Variants in MATR3 observed in about 807,000 individuals in gnomAD.
MATR3 encodes the protein matrin-3.
A neutral mutation model predicts 85.5 loss-of-function variants in MATR3; 4 were observed. That is an observed-to-expected ratio of 0.05 (90% CI 0.02 to 0.11). The LOEUF (loss-of-function observed/expected upper bound fraction) is 0.11. MATR3 is among the 10% of genes least tolerant of loss of function. The pLI, the probability that MATR3 is intolerant of heterozygous loss-of-function variation, is 1.00. For missense variants in MATR3, 685 were observed against 1,016.1 expected (o/e 0.67, Z 4.43); for synonymous variants, 336 against 343.1 (o/e 0.98, Z 0.23).
At position 139,329,617 on chromosome 5, in the gene MATR3, G is replaced by GAC. The variant is rs774652755; in HGVS notation, c.*224_*225dup. ...TTTTTGTTTTATCAGAATGGCAACA[G>GAC]ACAGAAGTACTTTGTAGAGATTGAC... On this transcript the variant is annotated 3_prime_UTR_variant, in exon 15 of 15. Transcript: ENST00000394805. 3.7e-6 allele frequency: 2 copies of GAC among 545,594 alleles called. No individual in the cohort carries two copies. Among genetic ancestry groups the GAC allele is most frequent in the Non-Finnish European group, 6.9e-6 (2 of 288,218 alleles). 33.8% of individuals were successfully genotyped at this position (545,594 alleles called of 1,614,324 possible).
intron 12 of MATR3, chr5:139,325,183 A>G: frequency 6.4e-6 from 9 of 1,410,150 alleles, no homozygotes; most frequent in Non-Finnish European, 8.5e-6. Context: ...ACAGAGCAAG[A>G]CTCCGTCTCA....
chr5:139,316,096 A>G lies in MATR3; in HGVS notation c.1037A>G (p.Gln346Arg). The G allele has an allele frequency of 6.2e-7, 1 of 1,612,730 alleles. No homozygotes were observed. Among genetic ancestry groups the G allele is most frequent in the East Asian group, 2.2e-5 (1 of 44,874 alleles). The change falls in exon 5 of 15, where the codon CAG becomes CGG. Residue 346 changes from glutamine (Q) to arginine (R), a missense_variant. Physicochemically the swap from Gln to Arg is conservative, Grantham distance 43 (BLOSUM62 1). Coordinates refer to ENST00000394805, the MANE Select transcript of MATR3 (RefSeq NM_018834.6). ...GHTMGDPFML[Q>R]QSTNPAPGIL... is the part of the protein sequence containing the mutation. Reference sequence around the variant, plus strand: ...ACTAGGGGTGATCCATTCATGTTGCAGCAGTCTACAAATCCAGCACCAGGA... The same window carrying G: ...ACTAGGGGTGATCCATTCATGTTGCGGCAGTCTACAAATCCAGCACCAGGA...
intron 3 of MATR3, among the ~76,000 whole-genome samples, chr5:139,287,542 C>T (rs780896343): frequency 5.9e-5 from 9 of 152,152 alleles, no homozygotes; most frequent in Non-Finnish European, 1.3e-4. Flanking sequence ...TCGCCTGAAC[C>T]CGGTGGGCGG....
intron 12 of MATR3, chr5:139,325,147 C>T: frequency 1.4e-5 from 15 of 1,074,092 alleles, no homozygotes; most frequent in East Asian, 1.3e-4. Context: ...GAGCCGAGAT[C>T]GCGCCACTGC....
intron 1 of MATR3, among the ~76,000 whole-genome samples, chr5:139,297,968 G>A (rs776974829): frequency 1.3e-5 from 2 of 152,264 alleles, no homozygotes; most frequent in South Asian, 4.2e-4. Context: ...GTTGCAGATG[G>A]GTAAGAAAAG....
At chr5:139,304,554 T>C (rs1441522979) in intron 1 of MATR3, among the ~76,000 whole-genome samples, 4 of 151,822 alleles carry the variant, frequency 2.6e-5, no homozygotes, top group African/African-American at 2.4e-5. Context: ...GGCATTTGTG[T>C]AGTGAAATTG....
intron 3 of MATR3, chr5:139,279,186 G>T (rs1285136135): frequency 1.5e-5 from 7 of 452,986 alleles, no homozygotes; most frequent in Non-Finnish European, 2.6e-5. Context: ...TCAGATGGGG[G>T]TAGGGGACTT....
At chr5:139,297,110 G>A (rs1561926958) in intron 1 of MATR3, among the ~76,000 whole-genome samples, 1 of 152,298 alleles carries the variant, frequency 6.6e-6, no homozygotes, top group East Asian at 1.9e-4. Context: ...CCCAGGAGGC[G>A]GAGGTAGCAG....
chr5:139,308,960 C>G (rs754792004), intron 2 of MATR3, among the ~76,000 whole-genome samples: 3 of 152,060 alleles, frequency 2.0e-5, no homozygotes, highest in Non-Finnish European at 4.4e-5. Flanking sequence ...TCAAAACTCA[C>G]TTTTTATTAT....
At chr5:139,316,027 C>A in intron 4 of MATR3, 49 bp from the exon 5 acceptor site, 1 of 1,334,004 alleles carries the variant, frequency 7.5e-7, no homozygotes. Context: ...TAATTCTTTC[C>A]AATGGACCTC....
chr5:139,287,987 G>A (rs762806481), intron 3 of MATR3, among the ~76,000 whole-genome samples: 8 of 152,160 alleles, frequency 5.3e-5, no homozygotes, highest in Non-Finnish European at 1.0e-4. Flanking sequence ...AAGGCAGCCA[G>A]ATCACATAAG....
chr5:139,301,341 A>G (rs976917724), intron 1 of MATR3, among the ~76,000 whole-genome samples: 5 of 151,054 alleles, frequency 3.3e-5, no homozygotes, highest in African/African-American at 1.2e-4. Context: ...TTTATTTGAG[A>G]CAGAGTCTCA....
At chr5:139,281,812 G>A (rs1753539965) in intron 3 of MATR3, among the ~76,000 whole-genome samples, 1 of 152,102 alleles carries the variant, frequency 6.6e-6, no homozygotes, top group Non-Finnish European at 1.5e-5. Context: ...CAGGTCTTAG[G>A]CCTGTACCAT....
intron 2 of MATR3, chr5:139,312,714 T>A (rs1315244554): frequency 6.6e-6 from 1 of 152,204 alleles, no homozygotes; most frequent in Admixed American, 6.6e-5. Flanking sequence ...TGCAATGGTG[T>A]GATCTTGGCT....
At chr5:139,323,025 A>G (rs1755659240) in intron 12 of MATR3, 58 bp downstream of exon 12, 5 of 1,555,208 alleles carry the variant, frequency 3.2e-6, no homozygotes, top group Admixed American at 1.8e-5. Context: ...CAGTATTTCA[A>G]GTTATTTACC....
intron 14 of MATR3, among the ~76,000 whole-genome samples, chr5:139,326,956 ATATTGACATTAT>A (rs1755881909): frequency 6.6e-6 from 1 of 152,206 alleles, no homozygotes; most frequent in South Asian, 2.1e-4. Context: ...ATAATTTTTA[ATATTGACATTAT>A]TATTGACACT....
chr5:139,274,445 A>G (rs1345647504), intron 1 of MATR3: 1 of 210,708 alleles, frequency 4.7e-6, no homozygotes, highest in African/African-American at 2.3e-5. Flanking sequence ...TGAGGAACAA[A>G]TGTCCGGTGG....
Position 139,323,620 on chromosome 5 carries a change from G to A in MATR3, c.2148+653G>A, listed in dbSNP as rs148086353. 2.7e-4 allele frequency among the ~76,000 whole-genome samples: 41 copies of A among 152,214 alleles called. No individual in the cohort carries two copies. The East Asian group carries it at 2.7e-3, about 10-fold the overall frequency. On this transcript the variant is annotated intron_variant, in intron 12 of 14. Transcript: ENST00000394805. Reference sequence around the variant, plus strand: ...TATGTTAAATGGCTCATAAAATGTCGGAGTCAGGCGGGCCCAGTGGCTCAC... The same window carrying A: ...TATGTTAAATGGCTCATAAAATGTCAGAGTCAGGCGGGCCCAGTGGCTCAC...
intron 1 of MATR3, among the ~76,000 whole-genome samples, chr5:139,295,856 C>G (rs796616040): frequency 1.2e-4 from 18 of 152,144 alleles, no homozygotes; most frequent in East Asian, 7.7e-4. Flanking sequence ...CGCTCTGTTG[C>G]CCAGACTGGA....
Sources: allele counts gnomAD v4.1 joint callset (sites outside exome capture counted in the v4.1 genomes callset), GRCh38; gene constraint gnomAD v4.1.1; transcripts MANE v1.5; gene names NCBI Gene and HGNC (gene_info 2026-07-23, HGNC 2026-07-21).